Variants in DNAH1 observed in about 807,000 individuals in gnomAD.
DNAH1 encodes the protein dynein axonemal heavy chain 1, also known as axonemal beta dynein heavy chain 1.
A neutral mutation model predicts 484.3 loss-of-function variants in DNAH1; 327 were observed. The ratio of observed to expected loss-of-function variants is 0.68; its 90% CI spans 0.62 to 0.74. The LOEUF is 0.74. DNAH1 is among the 30% of genes least tolerant of loss of function. The pLI, the probability that DNAH1 is intolerant of heterozygous loss-of-function variation, is 0.00. For missense variants in DNAH1, 5,052 were observed against 5,546.8 expected (o/e 0.91, Z 2.83); for synonymous variants, 2,192 against 2,191.9 (o/e 1.00, Z 0.00).
At chr3:52,319,322 GA>G (rs1324777379) in intron 1 of DNAH1, among the ~76,000 whole-genome samples, 1 of 152,224 alleles carries the variant, frequency 6.6e-6, no homozygotes, top group Admixed American at 6.5e-5. Context: ...CAGGTGATCT[GA>G]GTGGGGAGAA....
rs1464072081 is a variant in DNAH1, at chr3:52,362,057, G to A, written c.4980+291G>A. 6.6e-6 allele frequency among the ~76,000 whole-genome samples: 1 copy of A among 152,246 alleles called. No homozygotes were observed. Among genetic ancestry groups the A allele is most frequent in the East Asian group, 1.9e-4 (1 of 5,202 alleles). On this transcript the variant is annotated intron_variant, in intron 30 of 77. Transcript: ENST00000420323. The surrounding 1 kb of genome is among the most constrained non-coding windows in gnomAD (Gnocchi z 5.1). ...GGACCTTGTTCTGGGGACAGGAGCT[G>A]AGAGGCTAGCAGTTATCCCCTCCCC...
Position 52,350,026 on chromosome 3 carries a change from A to G in DNAH1, c.2564A>G (p.Tyr855Cys), listed in dbSNP as rs182519456. 202 of 1,613,264 alleles carry G rather than the reference A, an allele frequency of 1.3e-4. No individual in the cohort carries two copies. The highest frequency in any genetic ancestry group is 1.6e-4 in the East Asian group (7 of 44,872). ...TTCCGCAGCATCAGCCGCAAGATCT[A>G]TGAGAAGCCCAACAGCATTGAGGAG... ...EEFRSISRKI[Y>C]EKPNSIEELA... The change falls in exon 15 of 78, where the codon TAT becomes TGT. Residue 855 changes from tyrosine to cysteine, a missense_variant. Tyr to Cys is a radical substitution (Grantham distance 194, BLOSUM62 -2). Coordinates refer to ENST00000420323, the MANE Select transcript of DNAH1 (RefSeq NM_015512.5).
rs1366713171 is a variant in DNAH1 at position 52,357,653 on chromosome 3, C to T, written c.3898C>T (p.Leu1300=). ...TTCCGACCTGAGAATGCTGGACAGC[C>T]TGCGGGACTGCAACAAGATTCTGGA... ...VCSDLRMLDS[L]RDCNKILDLV... Residue 1300 remains leucine, a synonymous_variant, in exon 23 of 78, where the codon CTG becomes TTG. Coordinates refer to ENST00000420323, the MANE Select transcript of DNAH1 (RefSeq NM_015512.5). 4.4e-6 allele frequency: 7 copies of T among 1,598,976 alleles called. No individual in the cohort carries two copies. The highest frequency in any genetic ancestry group is 6.0e-6 in the Non-Finnish European group (7 of 1,172,382).
rs558476084 is a variant in DNAH1 at position 52,345,998 on chromosome 3, A to G, written c.1656+292A>G. 3.3e-5 allele frequency among the ~76,000 whole-genome samples: 5 copies of G among 152,298 alleles called. No homozygotes were observed. In the South Asian group the frequency reaches 6.2e-4, roughly 19 times the overall value. On this transcript the variant is annotated intron_variant, in intron 10 of 77. Transcript: ENST00000420323. ...GCCTCTGAAGCAGATCCCTTGTCTT[A>G]GAAGGGGGAGCAGGAACCTCAGGCA... is the stretch of plus-strand genomic sequence containing the variant.
At chr3:52,351,070 G>A (rs1165283179) in intron 16 of DNAH1, among the ~76,000 whole-genome samples, 7 of 152,110 alleles carry the variant, frequency 4.6e-5, no homozygotes, top group Non-Finnish European at 8.8e-5. Flanking sequence ...GGCTGGTCTC[G>A]AACTCCTGAC....
At position 52,394,512 on chromosome 3, in the gene DNAH1, T is replaced by G. The variant is rs780823557; in HGVS notation, c.10674T>G (p.Thr3558=). Residue 3558 remains threonine (T), a synonymous_variant, in exon 67 of 78, where the codon ACT becomes ACG. Transcript: ENST00000420323. The part of the protein sequence containing the change: ...LLSGGSISIM[T]ENPAPDWLSD... Reference sequence around the variant, plus strand: ...CTGGGGGCTCCATCTCGATCATGACTGAGAATCCGGCACCGGACTGGCTGT... The same window carrying G: ...CTGGGGGCTCCATCTCGATCATGACGGAGAATCCGGCACCGGACTGGCTGT... 4.3e-6 allele frequency: 7 copies of G among 1,613,902 alleles called. No individual in the cohort carries two copies. The highest frequency in any genetic ancestry group is 4.2e-6 in the Non-Finnish European group (5 of 1,179,884).
In DNAH1 at chr3:52,355,180, C is replaced by T; in HGVS notation, c.3693+125C>T. On this transcript the variant is annotated intron_variant, in intron 21 of 77. Transcript: ENST00000420323. The surrounding 1 kb of genome is among the most constrained non-coding windows in gnomAD (Gnocchi z 4.5). ...CAGTGCCTTGCCCTCATTCACACAGCCCCTGGCTCTCTGGCAGGCCCCGCC... is the reference window on the plus strand; with the variant it reads ...CAGTGCCTTGCCCTCATTCACACAGTCCCTGGCTCTCTGGCAGGCCCCGCC... The T allele has an allele frequency of 1.0e-6, 1 of 954,010 alleles. No homozygotes were observed. The highest frequency in any genetic ancestry group is 2.6e-5 in the East Asian group (1 of 38,634). The allele number at this position is 954,010 out of a possible 1,614,324, so 59.1% of individuals were successfully genotyped here. A position where few individuals can be genotyped will look rare whatever the true frequency, so the allele number is the denominator to read the frequency against.
Position 52,361,777 on chromosome 3 carries a change from G to A in DNAH1, c.4980+11G>A. ...GCGCAGCAGCAGCGGGTGAGCCCGGGGGACCCACCTTACTCCCTCAGATCT... is the reference window on the plus strand; with the variant it reads ...GCGCAGCAGCAGCGGGTGAGCCCGGAGGACCCACCTTACTCCCTCAGATCT... On this transcript the variant is annotated intron_variant, in intron 30 of 77. Coordinates refer to ENST00000420323, the MANE Select transcript of DNAH1 (RefSeq NM_015512.5). The surrounding 1 kb of genome is among the most constrained non-coding windows in gnomAD (Gnocchi z 5.6). 1.3e-6 allele frequency: 2 copies of A among 1,592,568 alleles called. No homozygotes were observed. Among genetic ancestry groups the A allele is most frequent in the Non-Finnish European group, 1.7e-6 (2 of 1,170,274 alleles).
intron 55 of DNAH1, 47 bp from the exon 56 acceptor site, chr3:52,386,615 G>A (rs527874968): frequency 3.3e-6 from 5 of 1,500,858 alleles, no homozygotes; most frequent in Non-Finnish European, 1.8e-6. Context: ...CTGCCGAGGG[G>A]TGCCCACTGG....
At position 52,396,893 on chromosome 3, in the gene DNAH1, TC is replaced by T; in HGVS notation, c.11637del (p.Asn3880IlefsTer16). The T allele has an allele frequency of 6.2e-7, 1 of 1,610,812 alleles. No homozygotes were observed. The highest frequency in any genetic ancestry group is 8.5e-7 in the Non-Finnish European group (1 of 1,179,206). On this transcript the variant is annotated frameshift_variant, in exon 73 of 78. Transcript: ENST00000420323. LOFTEE classifies it high-confidence loss of function. The part of the protein sequence containing the change: ...YKVLKYTAGE[I>X]NYGGRVTDDW... ...GTCCTCAAGTACACGGCAGGGGAGATCAATTACGGGGGCCGTGTCACTGATG... is the reference window on the plus strand; with the variant it reads ...GTCCTCAAGTACACGGCAGGGGAGATAATTACGGGGGCCGTGTCACTGATG...
intron 6 of DNAH1, among the ~76,000 whole-genome samples, chr3:52,328,281 A>C (rs1261057717): frequency 6.6e-6 from 1 of 152,176 alleles, no homozygotes; most frequent in Non-Finnish European, 1.5e-5. Flanking sequence ...TAAAATATGT[A>C]CATGCTCATT....
In DNAH1 at chr3:52,346,557, A is replaced by G. The variant is rs1368053533; in HGVS notation, c.1742A>G (p.Tyr581Cys). 5.0e-6 allele frequency: 8 copies of G among 1,613,940 alleles called. No individual in the cohort carries two copies. ...SSLRDMSKGWYNLYETNWEVY... is the reference protein window; with the variant it reads ...SSLRDMSKGWCNLYETNWEVY... ...CTGCGCGACATGAGCAAGGGCTGGT[A>G]CAACCTCTACGAGACCAACTGGGAG... Residue 581 changes from tyrosine (Y) to cysteine (C), a missense_variant, in exon 11 of 78, where the codon TAC (tyrosine) becomes TGC (cysteine). Coordinates refer to ENST00000420323, the MANE Select transcript of DNAH1 (RefSeq NM_015512.5).
Position 52,355,062 on chromosome 3 carries a change from C to T in DNAH1, c.3693+7C>T, listed in dbSNP as rs1207451884. ...CAAACTGAAGCTGACCCAGGTCGGC[C>T]CTCCCCCCAGTCCTTCCCTCATCGC... On this transcript the variant is annotated splice_region_variant and intron_variant, in intron 21 of 77. Coordinates refer to ENST00000420323, the MANE Select transcript of DNAH1 (RefSeq NM_015512.5). The surrounding 1 kb of genome is among the most constrained non-coding windows in gnomAD (Gnocchi z 4.5). The T allele has an allele frequency of 8.1e-6, 13 of 1,612,414 alleles. No homozygotes were observed. Among genetic ancestry groups the T allele is most frequent in the Non-Finnish European group, 1.1e-5 (13 of 1,179,770 alleles).
rs1702801971 is a variant in DNAH1, at chr3:52,360,319, G to A, written c.4580G>A (p.Trp1527Ter). The A allele has an allele frequency of 6.2e-7, 1 of 1,613,420 alleles. No homozygotes were observed. The change falls in exon 28 of 78, where the codon TGG becomes TAG. Residue 1527 changes from tryptophan (W) to a stop codon, truncating the protein, a stop_gained. Coordinates refer to ENST00000420323, the MANE Select transcript of DNAH1 (RefSeq NM_015512.5). LOFTEE classifies it high-confidence loss of function. ...FQWISQLRYY[W>*]TNNDLYIRAV... The stretch of plus-strand genomic sequence containing the variant: ...TCTCCCTGCACCGCCAGGTACTACT[G>A]GACAAATAATGACCTGTATATCCGT...
chr3:52,397,026 G>C lies in DNAH1; in HGVS notation c.11769G>C (p.Pro3923=), dbSNP rs1024381509. The change falls in exon 73 of 78, where the codon CCG becomes CCC. Residue 3923 remains proline (P), a synonymous_variant. Transcript: ENST00000420323. The part of the protein sequence containing the change: ...YSASGIYHQI[P]PTYDLHGYLS... Reference sequence around the variant, plus strand: ...CCTCGGGCATCTACCACCAGATCCCGCCTACCTACGACCTCCACGTGAGTC... The same window carrying C: ...CCTCGGGCATCTACCACCAGATCCCCCCTACCTACGACCTCCACGTGAGTC... The C allele has an allele frequency of 6.2e-7, 1 of 1,607,182 alleles. No individual in the cohort carries two copies. Among genetic ancestry groups the C allele is most frequent in the Non-Finnish European group, 8.5e-7 (1 of 1,177,006 alleles).
intron 22 of DNAH1, among the ~76,000 whole-genome samples, chr3:52,357,040 G>GTTT (rs1389887896): frequency 2.0e-5 from 2 of 100,974 alleles, no homozygotes; most frequent in Non-Finnish European, 4.4e-5. Context: ...TTTTTTTTTT[G>GTTT]TTTTTTTTTT....
rs562951017 is a variant in DNAH1 at position 52,392,966 on chromosome 3, A to G, written c.10415A>G (p.Tyr3472Cys). The G allele has an allele frequency of 1.9e-6, 3 of 1,613,046 alleles. No individual in the cohort carries two copies. The South Asian group carries it at 3.3e-5, about 18-fold the overall frequency. ...GCCAACGTGGACCCCATGTACCAGT[A>G]CTCCCTTGAGTGGTTTCTCAACATC... Reference protein sequence around the residue: ...DLANVDPMYQYSLEWFLNIFL... With the variant: ...DLANVDPMYQCSLEWFLNIFL... Residue 3472 changes from tyrosine (Y) to cysteine (C), a missense_variant, in exon 65 of 78, where the codon TAC (tyrosine) becomes TGC (cysteine). Tyr to Cys is a radical substitution (Grantham distance 194). Around this residue, in one of 4 missense-constraint regions of DNAH1, gnomAD observed 2,929 missense variants for 3,409.4 expected, o/e 0.86. Coordinates refer to ENST00000420323, the MANE Select transcript of DNAH1 (RefSeq NM_015512.5).
At chr3:52,352,763 A>C in intron 18 of DNAH1, 56 bp downstream of exon 18, 26 of 1,562,186 alleles carry the variant, frequency 1.7e-5, no homozygotes, top group Non-Finnish European at 2.3e-5. Flanking sequence ...GAAGCAGCTC[A>C]TGTAGATGCA....
Position 52,400,182 on chromosome 3 carries a change from A to AC in DNAH1, c.12677-138dup. 2.7e-6 allele frequency: 3 copies of AC among 1,131,436 alleles called. No homozygotes were observed. In the Admixed American group the frequency reaches 5.8e-5, roughly 22 times the overall value. The allele number at this position is 1,131,436 out of a possible 1,614,324, so 70.1% of individuals were successfully genotyped here. The stretch of plus-strand genomic sequence containing the variant: ...CTGGGCAGGCTTGAACCCTGGCCAG[A>AC]CCCCCTCATCAGGTAGGCTTCCTCT... On this transcript the variant is annotated intron_variant, in intron 77 of 77. Transcript: ENST00000420323.
Sources: gnomAD v4.1 joint callset for allele counts (sites outside exome capture counted in the v4.1 genomes callset) on GRCh38, gnomAD v4.1.1 for gene constraint, gnomAD v4.1.1 regional missense constraint, Gnocchi (gnomAD v3.1) non-coding constraint, MANE v1.5 for transcripts, NCBI Gene and HGNC (gene_info 2026-07-23, HGNC 2026-07-21) for gene names.